Variants in SCN8A observed in about 807,000 individuals in gnomAD.
The protein encoded by SCN8A is sodium voltage-gated channel alpha subunit 8, also known as sodium channel protein type 8 subunit alpha.
Under a neutral mutation model 184.1 loss-of-function variants are expected in SCN8A, and 30 were observed. That is an observed-to-expected ratio of 0.16 (90% confidence interval 0.12 to 0.22). SCN8A has a LOEUF of 0.22. SCN8A is among the 10% of genes least tolerant of loss of function. The probability of loss-of-function intolerance (pLI) is 1.00; values close to 1 mark genes in which losing one functional copy is unlikely to be tolerated. For missense variants in SCN8A, 1,057 were observed against 2,498.9 expected (o/e 0.42, Z 12.30); for synonymous variants, 852 against 907.0 (o/e 0.94, Z 1.09).
chr12:51,679,161 G>A (rs1239091218), intron 2 of SCN8A, among the ~76,000 whole-genome samples: 1 of 152,078 alleles, frequency 6.6e-6, no homozygotes, highest in African/African-American at 2.4e-5. Flanking sequence ...CCAGCACTTT[G>A]GGAGGTCAAG....
rs1308178898 is a variant in SCN8A, at chr12:51,713,633, TCTC to T, written c.1635+6921_1635+6923del. On this transcript the variant is annotated intron_variant, in intron 11 of 26. Transcript: ENST00000627620. Reference sequence around the variant, plus strand: ...TTGAGCCTGAGTTCTTCTTGAGACATCTCCTGCTCACTCATCTCCGACCTATTT... The same window carrying T: ...TTGAGCCTGAGTTCTTCTTGAGACATCTGCTCACTCATCTCCGACCTATTT... 3.0e-4 allele frequency: 186 copies of T among 613,068 alleles called. 2 individuals carry two copies. In the Admixed American group the frequency reaches 5.0e-3, roughly 17 times the overall value. The allele number at this position is 613,068 out of a possible 1,614,324, so 38.0% of individuals were successfully genotyped here. A position where few individuals can be genotyped will look rare whatever the true frequency, so the allele number is the denominator to read the frequency against.
chr12:51,647,586 A>T (rs906842165), intron 1 of SCN8A, among the ~76,000 whole-genome samples: 2 of 152,218 alleles, frequency 1.3e-5, no homozygotes, highest in African/African-American at 2.4e-5. Flanking sequence ...TAGGAGGGAG[A>T]GCAGATCTTG....
In SCN8A at chr12:51,809,153, A is replaced by G. The variant is rs1440856220; in HGVS notation, c.*1724A>G. ...AGTGTGGCTTCTGGGGGAGCGTCAT[A>G]TCTTCCATTCCATCTCCTGCTTTAG... On this transcript the variant is annotated 3_prime_UTR_variant, in exon 27 of 27. Transcript: ENST00000627620. 6.6e-5 allele frequency: 10 copies of G among 152,116 alleles called. No individual in the cohort carries two copies. Among genetic ancestry groups the G allele is most frequent in the Admixed American group, 5.9e-4 (9 of 15,260 alleles). 9.4% of individuals were successfully genotyped at this position (152,116 alleles called of 1,614,324 possible).
At chr12:51,722,412 G>A (rs769865590) in intron 12 of SCN8A, 1 of 161,376 alleles carries the variant, frequency 6.2e-6, no homozygotes, top group Non-Finnish European at 1.3e-5. Context: ...CTTCCCCCAC[G>A]TCTTCTACCC....
chr12:51,683,770 T>C (rs1234262992), intron 2 of SCN8A, among the ~76,000 whole-genome samples: 6 of 152,214 alleles, frequency 3.9e-5, no homozygotes, highest in Non-Finnish European at 8.8e-5. Flanking sequence ...CAAGACTATC[T>C]TGTTCACTGA....
intron 1 of SCN8A, among the ~76,000 whole-genome samples, chr12:51,634,264 CACTGTTTATATGGCAATAAT>C (rs1212066137): frequency 6.6e-6 from 1 of 152,112 alleles, no homozygotes; most frequent in Non-Finnish European, 1.5e-5. Flanking sequence ...TATATGGATA[CACTGTTTATATGGCAATAAT>C]ACATAACCCT....
At chr12:51,650,787 C>T (rs1187979287) in intron 1 of SCN8A, among the ~76,000 whole-genome samples, 2 of 152,114 alleles carry the variant, frequency 1.3e-5, no homozygotes, top group Non-Finnish European at 2.9e-5. Context: ...AGACCCTAAC[C>T]CAGCGGTGCT....
chr12:51,789,794 G>A (rs1164329122), intron 24 of SCN8A, among the ~76,000 whole-genome samples: 1 of 152,200 alleles, frequency 6.6e-6, no homozygotes, highest in African/African-American at 2.4e-5. Flanking sequence ...CAATCTCTGA[G>A]CACAAGCAAA....
chr12:51,733,548 T>C (rs1592133682), intron 12 of SCN8A, among the ~76,000 whole-genome samples: 2 of 152,234 alleles, frequency 1.3e-5, no homozygotes, highest in East Asian at 3.8e-4. Flanking sequence ...GATATTTCCA[T>C]GTCTGGTTTT....
At chr12:51,619,382 C>T (rs1317964980) in intron 1 of SCN8A, among the ~76,000 whole-genome samples, 1 of 152,074 alleles carries the variant, frequency 6.6e-6, no homozygotes, top group Non-Finnish European at 1.5e-5. Context: ...CATTCAATAT[C>T]CTTGTATACA....
intron 11 of SCN8A, among the ~76,000 whole-genome samples, chr12:51,721,106 T>A (rs1430881116): frequency 4.4e-4 from 47 of 106,088 alleles, no homozygotes; most frequent in African/African-American, 1.3e-3. Context: ...TATATATATA[T>A]AATATTTATT....
rs755721954 is a variant in SCN8A, at chr12:51,662,977, A to G, written c.160A>G (p.Lys54Glu). The change falls in exon 2 of 27, where the codon AAG becomes GAG. Residue 54 changes from lysine (K) to glutamate (E), a missense_variant. Coordinates refer to ENST00000627620, the MANE Select transcript of SCN8A (RefSeq NM_001330260.2). ...HREDDEDSKP[K>E]PNSDLEAGKS... ...GGAGGACGATGAGGACAGCAAGCCC[A>G]AGCCAAACAGCGACCTGGAAGCAGG... is the stretch of plus-strand genomic sequence containing the variant. 6.2e-7 allele frequency: 1 copy of G among 1,613,944 alleles called. No individual in the cohort carries two copies. Among genetic ancestry groups the G allele is most frequent in the Non-Finnish European group, 8.5e-7 (1 of 1,179,910 alleles).
intron 2 of SCN8A, 44 bp from the exon 3 acceptor site, chr12:51,684,130 C>T (rs770693271): frequency 1.1e-6 from 1 of 927,722 alleles, no homozygotes; most frequent in Non-Finnish European, 1.8e-6. Context: ...TGTGGTGACT[C>T]ATACCCATGC....
intron 1 of SCN8A, among the ~76,000 whole-genome samples, chr12:51,635,500 G>A (rs1419064578): frequency 6.6e-6 from 1 of 152,130 alleles, no homozygotes; most frequent in African/African-American, 2.4e-5. Context: ...TGAACGAAAG[G>A]TCACAACTGA....
chr12:51,807,434 G>A lies in SCN8A; in HGVS notation c.*5G>A, dbSNP rs747815156. 8.7e-6 allele frequency: 14 copies of A among 1,602,426 alleles called. No homozygotes were observed. The Admixed American group carries it at 2.1e-4, about 24-fold the overall frequency. On this transcript the variant is annotated 3_prime_UTR_variant, in exon 27 of 27. Coordinates refer to ENST00000627620, the MANE Select transcript of SCN8A (RefSeq NM_001330260.2). This position sits in a 1 kb window ranked among gnomAD's most constrained non-coding sequence, Gnocchi z 4.5. ...GTCAGAGAATCCAAGTGTTAGAGGA[G>A]AACAAAAATTCAGTATTATACAGAT...
chr12:51,636,084 T>G (rs1340075349), intron 1 of SCN8A, among the ~76,000 whole-genome samples: 1 of 152,160 alleles, frequency 6.6e-6, no homozygotes, highest in Non-Finnish European at 1.5e-5. Flanking sequence ...AAGCTCTGCC[T>G]CCTAGGTTCA....
At chr12:51,718,215 C>T (rs1368348254) in intron 11 of SCN8A, among the ~76,000 whole-genome samples, 1 of 152,216 alleles carries the variant, frequency 6.6e-6, no homozygotes, top group Non-Finnish European at 1.5e-5. Context: ...AGCGCAGTGC[C>T]TCACTCCTGT....
At chr12:51,649,005 G>C (rs1160490944) in intron 1 of SCN8A, among the ~76,000 whole-genome samples, 1 of 152,162 alleles carries the variant, frequency 6.6e-6, no homozygotes. Flanking sequence ...ATACAATTGG[G>C]GGTACAGGTA....
chr12:51,792,126 G>A (rs1357831980), intron 25 of SCN8A, among the ~76,000 whole-genome samples: 1 of 152,044 alleles, frequency 6.6e-6, no homozygotes, highest in Non-Finnish European at 1.5e-5. Flanking sequence ...AGGGCTATAA[G>A]TGGTGGATCT....
Sources: gnomAD v4.1 joint callset for allele counts (sites outside exome capture counted in the v4.1 genomes callset) on GRCh38, gnomAD v4.1.1 for gene constraint, Gnocchi (gnomAD v3.1) non-coding constraint, MANE v1.5 for transcripts, NCBI Gene and HGNC (gene_info 2026-07-23, HGNC 2026-07-21) for gene names.